EPHA6: variants seen among roughly 807,000 people sequenced by gnomAD.
EPHA6 encodes the protein EPH receptor A6, also known as ephrin type-A receptor 6.
A neutral mutation model predicts 112.0 loss-of-function variants in EPHA6; 50 were observed. That is an observed-to-expected ratio of 0.45 (90% CI 0.36 to 0.56). The LOEUF (loss-of-function observed/expected upper bound fraction) is 0.56. Among genes scored for constraint, EPHA6 ranks in the 20% least tolerant of loss-of-function variants. EPHA6 has a pLI of 0.00. For missense variants in EPHA6, 1,280 were observed against 1,417.4 expected (o/e 0.90, Z 1.56); for synonymous variants, 529 against 490.7 (o/e 1.08, Z -1.03).
chr3:97,181,591 G>GTA (rs2076990354), intron 3 of EPHA6, among the ~76,000 whole-genome samples: 1 of 151,180 alleles, frequency 6.6e-6, no homozygotes, highest in Admixed American at 6.6e-5. Flanking sequence ...ATATATGTGT[G>GTA]TGTGTGTATA....
chr3:97,669,285 C>T (rs2030528575), intron 14 of EPHA6, among the ~76,000 whole-genome samples: 1 of 151,430 alleles, frequency 6.6e-6, no homozygotes, highest in Non-Finnish European at 1.5e-5. Context: ...ATATATATAC[C>T]CATGTTATCC....
intron 13 of EPHA6, among the ~76,000 whole-genome samples, chr3:97,633,270 C>A (rs1008944414): frequency 3.3e-5 from 5 of 151,750 alleles, no homozygotes; most frequent in African/African-American, 1.2e-4. Context: ...TGTTTCTTAG[C>A]AGTCAGGTTG....
At chr3:96,819,289 A>G (rs1005438185) in intron 1 of EPHA6, among the ~76,000 whole-genome samples, 1 of 152,084 alleles carries the variant, frequency 6.6e-6, no homozygotes, top group Non-Finnish European at 1.5e-5. Context: ...CTTTTACATC[A>G]CAAAATAAGT....
chr3:97,524,257 G>C (rs772449898), intron 10 of EPHA6, among the ~76,000 whole-genome samples: 3 of 151,758 alleles, frequency 2.0e-5, no homozygotes, highest in Non-Finnish European at 4.4e-5. Flanking sequence ...ATCTGCCAGA[G>C]GTTTTTCATT....
chr3:97,251,425 G>A (rs563137141), intron 5 of EPHA6, among the ~76,000 whole-genome samples: 1 of 152,056 alleles, frequency 6.6e-6, no homozygotes, highest in African/African-American at 2.4e-5. Flanking sequence ...AGCTACTCGG[G>A]AGGCTGAATC....
intron 5 of EPHA6, among the ~76,000 whole-genome samples, chr3:97,255,748 T>G (rs2079289821): frequency 6.6e-6 from 1 of 152,118 alleles, no homozygotes; most frequent in Admixed American, 6.5e-5. Flanking sequence ...GAAGATAAAG[T>G]TGTAGCAGTT....
chr3:97,718,835 C>CAT (rs1322752717), intron 14 of EPHA6, among the ~76,000 whole-genome samples: 1 of 152,116 alleles, frequency 6.6e-6, no homozygotes, highest in Non-Finnish European at 1.5e-5. Flanking sequence ...ATCTTTACAT[C>CAT]ATATGACAGC....
At chr3:97,251,399 A>G (rs374938703) in intron 5 of EPHA6, among the ~76,000 whole-genome samples, 2 of 151,972 alleles carry the variant, frequency 1.3e-5, no homozygotes, top group East Asian at 3.9e-4. Context: ...GCGTGGTTGC[A>G]GGCACCTGTA....
intron 6 of EPHA6, among the ~76,000 whole-genome samples, chr3:97,425,546 C>A (rs930846003): frequency 6.6e-6 from 1 of 152,162 alleles, no homozygotes; most frequent in African/African-American, 2.4e-5. Flanking sequence ...GGGCCCTGGG[C>A]CCAGCCATGA....
intron 14 of EPHA6, among the ~76,000 whole-genome samples, chr3:97,715,016 T>G (rs1210239968): frequency 6.6e-6 from 1 of 152,236 alleles, no homozygotes; most frequent in Non-Finnish European, 1.5e-5. Flanking sequence ...TTATTCATGC[T>G]GTTGTCTTCT....
At position 97,623,085 on chromosome 3, in the gene EPHA6, G is replaced by T. The variant is rs550895966; in HGVS notation, c.2574+12231G>T. On this transcript the variant is annotated intron_variant, in intron 13 of 17. Coordinates refer to ENST00000389672, the MANE Select transcript of EPHA6 (RefSeq NM_001080448.3). Reference sequence around the variant, plus strand: ...CTACTCTGCAGATAGTGTTTTTTGAGGCACAAAAGTTTTTAAGTTTCATGT... The same window carrying T: ...CTACTCTGCAGATAGTGTTTTTTGATGCACAAAAGTTTTTAAGTTTCATGT... Among the ~76,000 whole-genome samples, 6 of 151,596 alleles carry T rather than the reference G, an allele frequency of 4.0e-5. No homozygotes were observed. In the East Asian group the frequency reaches 7.8e-4, roughly 20 times the overall value.
intron 2 of EPHA6, among the ~76,000 whole-genome samples, chr3:96,939,001 G>T (rs1168820448): frequency 6.6e-6 from 1 of 152,030 alleles, no homozygotes; most frequent in Non-Finnish European, 1.5e-5. Context: ...TGCTGGATTT[G>T]GTTTGCCAGT....
In EPHA6 at chr3:96,995,179, A is replaced by C. The variant is rs148379308; in HGVS notation, c.1114+7186A>C. On this transcript the variant is annotated intron_variant, in intron 3 of 17. Coordinates refer to ENST00000389672, the MANE Select transcript of EPHA6 (RefSeq NM_001080448.3). ...CCTCTGCTGCAGTTCAGAAACATTT[A>C]TGCTGTGTGTTTATGATCTTCTGTC... Among the ~76,000 whole-genome samples the C allele has an allele frequency of 1.1e-4, 16 of 152,158 alleles. No individual in the cohort carries two copies. The East Asian group carries it at 3.1e-3, about 29-fold the overall frequency.
chr3:97,118,690 T>C (rs190046032), intron 3 of EPHA6, among the ~76,000 whole-genome samples: 1 of 152,042 alleles, frequency 6.6e-6, no homozygotes, highest in Non-Finnish European at 1.5e-5. Context: ...AAAGTCCTAT[T>C]TCCAGTCTAT....
chr3:97,055,127 G>A (rs2045811269), intron 3 of EPHA6, among the ~76,000 whole-genome samples: 1 of 152,132 alleles, frequency 6.6e-6, no homozygotes, highest in South Asian at 2.1e-4. Flanking sequence ...TAGGCAACTT[G>A]CATCAGAATG....
chr3:97,482,896 A>G (rs1239279820), intron 9 of EPHA6, among the ~76,000 whole-genome samples: 2 of 152,176 alleles, frequency 1.3e-5, no homozygotes, highest in African/African-American at 4.8e-5. Flanking sequence ...CATACCTAAG[A>G]TATTCGGAAC....
chr3:97,480,774 G>C (rs2091510852), intron 9 of EPHA6, among the ~76,000 whole-genome samples: 1 of 152,212 alleles, frequency 6.6e-6, no homozygotes, highest in East Asian at 1.9e-4. Flanking sequence ...TGGCGGCCGG[G>C]CAGAGGGGCT....
intron 5 of EPHA6, among the ~76,000 whole-genome samples, chr3:97,389,758 C>T (rs903109099): frequency 6.6e-6 from 1 of 152,000 alleles, no homozygotes; most frequent in Non-Finnish European, 1.5e-5. Flanking sequence ...ATAATTAGCA[C>T]ATTTTTGGTT....
intron 5 of EPHA6, among the ~76,000 whole-genome samples, chr3:97,262,742 T>C (rs1352094631): frequency 6.6e-6 from 1 of 152,198 alleles, no homozygotes; most frequent in East Asian, 1.9e-4. Flanking sequence ...AATATCATTA[T>C]CTGCCAACTT....
Sources: allele counts gnomAD v4.1 joint callset (sites outside exome capture counted in the v4.1 genomes callset), GRCh38; gene constraint gnomAD v4.1.1; transcripts MANE v1.5; gene names NCBI Gene and HGNC (gene_info 2026-07-23, HGNC 2026-07-21).